PDE12: variants seen among roughly 807,000 people sequenced by gnomAD.
PDE12 encodes the protein phosphodiesterase 12.
PDE12 carries 26 observed loss-of-function variants against 45.4 expected under a neutral mutation model. The observed-to-expected ratio is 0.57, with a 90% CI of 0.42 to 0.79. PDE12 has a LOEUF of 0.79. Among genes scored for constraint, PDE12 ranks in the 30% least tolerant of loss-of-function variants. The pLI, the probability that PDE12 is intolerant of heterozygous loss-of-function variation, is 0.00. For synonymous variants in PDE12, 283 were observed against 323.9 expected (o/e 0.87, Z 1.36); for missense variants, 668 against 790.0 (o/e 0.85, Z 1.85).
the PDE12 span, among the ~76,000 whole-genome samples, chr3:57,643,384 T>A: frequency 6.6e-6 from 1 of 152,140 alleles, no homozygotes; most frequent in Admixed American, 6.5e-5. Context: ...CTATCTTCTA[T>A]GGGGCAATGT....
Position 57,556,330 on chromosome 3 carries a change from T to C in PDE12, c.-50T>C, listed in dbSNP as rs1288325967. Reference sequence around the variant, plus strand: ...TCGGCTCCTCAGCTCCACCTGACAGTAGGCCGCTGATCGGCCGCGGGTCTT... The same window carrying C: ...TCGGCTCCTCAGCTCCACCTGACAGCAGGCCGCTGATCGGCCGCGGGTCTT... On this transcript the variant is annotated 5_prime_UTR_variant, in exon 1 of 3. Transcript: ENST00000311180. The surrounding 1 kb of genome is among the most constrained non-coding windows in gnomAD (Gnocchi z 5.0). 1.3e-6 allele frequency: 2 copies of C among 1,500,016 alleles called. No homozygotes were observed. The highest frequency in any genetic ancestry group is 2.5e-5 in the East Asian group (1 of 40,436). 92.9% of individuals were successfully genotyped at this position (1,500,016 alleles called of 1,614,324 possible). A position where few individuals can be genotyped will look rare whatever the true frequency, so the allele number is the denominator to read the frequency against.
the PDE12 span, among the ~76,000 whole-genome samples, chr3:57,635,931 T>G: frequency 6.6e-6 from 1 of 152,160 alleles, no homozygotes; most frequent in African/African-American, 2.4e-5. Context: ...ATGAAGACTT[T>G]TATGATGATC....
chr3:57,567,679 T>C (rs2069798594), downstream of PDE12, among the ~76,000 whole-genome samples: 1 of 152,198 alleles, frequency 6.6e-6, no homozygotes, highest in Non-Finnish European at 1.5e-5. Context: ...CAGACTGTTA[T>C]TATTCAATCT....
the PDE12 span, among the ~76,000 whole-genome samples, chr3:57,580,969 GAATT>G: frequency 6.6e-6 from 1 of 151,978 alleles, no homozygotes; most frequent in Non-Finnish European, 1.5e-5. Context: ...TTGAGAAGGA[GAATT>G]ATTTTAGGTA....
chr3:57,643,612 G>C, the PDE12 span, among the ~76,000 whole-genome samples: 6 of 152,088 alleles, frequency 3.9e-5, no homozygotes, highest in South Asian at 1.2e-3. Flanking sequence ...TGGATCACTT[G>C]AGGTCAGGAG....
the PDE12 span, chr3:57,628,411 CTAAA>C: frequency 1.3e-6 from 2 of 1,534,624 alleles, no homozygotes; most frequent in Non-Finnish European, 1.8e-6. Flanking sequence ...ATTACATTCT[CTAAA>C]TAAACCATTT....
chr3:57,639,003 C>A, the PDE12 span, among the ~76,000 whole-genome samples: 5 of 152,140 alleles, frequency 3.3e-5, no homozygotes, highest in Non-Finnish European at 5.9e-5. Flanking sequence ...GAGGCTGAGG[C>A]AGAAGGATCA....
At chr3:57,591,459 CTCTTTTCTTT>C in the PDE12 span, among the ~76,000 whole-genome samples, 6 of 149,500 alleles carry the variant, frequency 4.0e-5, no homozygotes, top group African/African-American at 1.5e-4. Flanking sequence ...CTTTTTTCTT[CTCTTTTCTTT>C]TCTTTTTTTT....
chr3:57,630,785 T>C, the PDE12 span: 1 of 1,614,078 alleles, frequency 6.2e-7, no homozygotes, highest in Non-Finnish European at 8.5e-7. Context: ...AGTGTTTTCA[T>C]AAATTCTTCT....
At chr3:57,607,634 G>A in the PDE12 span, among the ~76,000 whole-genome samples, 1 of 152,128 alleles carries the variant, frequency 6.6e-6, no homozygotes, top group Non-Finnish European at 1.5e-5. Context: ...GGAAGAAAGG[G>A]TATCAGTAAT....
the PDE12 span, chr3:57,627,615 A>C: frequency 5.2e-5 from 8 of 152,486 alleles, no homozygotes; most frequent in African/African-American, 1.9e-4. Flanking sequence ...AATAAACACA[A>C]TGGGTAGCAA....
chr3:57,603,750 G>T, the PDE12 span, among the ~76,000 whole-genome samples: 1 of 151,772 alleles, frequency 6.6e-6, no homozygotes, highest in African/African-American at 2.4e-5. Flanking sequence ...AGCCTCCCAG[G>T]TAGCTGGGAT....
At chr3:57,631,068 A>G in the PDE12 span, 1 of 1,177,352 alleles carries the variant, frequency 8.5e-7, no homozygotes, top group South Asian at 1.4e-5. Context: ...TAAGTTTTTA[A>G]TCATATGCCC....
chr3:57,646,524 CA>C, the PDE12 span: 1 of 1,460,974 alleles, frequency 6.8e-7, no homozygotes, highest in South Asian at 1.4e-5. Flanking sequence ...AAAAACTCCA[CA>C]TTGATATAAA....
the PDE12 span, among the ~76,000 whole-genome samples, chr3:57,614,745 G>C: frequency 6.6e-5 from 10 of 151,366 alleles, no homozygotes; most frequent in Middle Eastern, 6.8e-3. Flanking sequence ...GGGAGGCCGA[G>C]GCGGGTGTAA....
chr3:57,655,367 C>T, the PDE12 span, among the ~76,000 whole-genome samples: 1 of 152,160 alleles, frequency 6.6e-6, no homozygotes, highest in Non-Finnish European at 1.5e-5. Flanking sequence ...AACTTACTTG[C>T]CCCACTCTTA....
the PDE12 span, among the ~76,000 whole-genome samples, chr3:57,611,974 A>G: frequency 6.6e-6 from 1 of 152,126 alleles, no homozygotes; most frequent in African/African-American, 2.4e-5. Flanking sequence ...CACAATAGCA[A>G]AGACTTGGAA....
At chr3:57,634,491 A>T in the PDE12 span, 1 of 881,224 alleles carries the variant, frequency 1.1e-6, no homozygotes, top group Non-Finnish European at 1.6e-6. Context: ...TAAAGGACAT[A>T]TTGCGTAACT....
the PDE12 span, among the ~76,000 whole-genome samples, chr3:57,592,554 C>T: frequency 0.01 from 1,585 of 152,188 alleles, 18 homozygotes; most frequent in African/African-American, 0.036. Context: ...ACCAGTTATA[C>T]GGAAAAATGT....
Sources: gnomAD v4.1 joint callset for allele counts (sites outside exome capture counted in the v4.1 genomes callset) on GRCh38, gnomAD v4.1.1 for gene constraint, Gnocchi (gnomAD v3.1) non-coding constraint, MANE v1.5 for transcripts, NCBI Gene and HGNC (gene_info 2026-07-23, HGNC 2026-07-21) for gene names.